KBTBD3: variants seen among roughly 807,000 people sequenced by gnomAD.
KBTBD3 encodes kelch repeat and BTB domain containing 3.
A neutral mutation model predicts 49.6 loss-of-function variants in KBTBD3; 38 were observed. The observed-to-expected ratio is 0.77, with a 90% CI of 0.59 to 1.00. KBTBD3 has a LOEUF of 1.00. Among genes scored for constraint, KBTBD3 ranks in the 50% least tolerant of loss-of-function variants. The probability of loss-of-function intolerance (pLI) is 0.00; values close to 1 mark genes in which losing one functional copy is unlikely to be tolerated. For synonymous variants in KBTBD3, 214 were observed against 250.4 expected (o/e 0.85, Z 1.37); for missense variants, 661 against 712.0 (o/e 0.93, Z 0.81).
At chr11:106,065,760 A>T (rs1860797334) in intron 2 of KBTBD3, among the ~76,000 whole-genome samples, 1 of 152,110 alleles carries the variant, frequency 6.6e-6, no homozygotes, top group African/African-American at 2.4e-5. Flanking sequence ...CAGGAGTTCA[A>T]GACCAGCCTG....
At chr11:106,075,669 A>T (rs1861013457) in intron 2 of KBTBD3, 1 of 152,222 alleles carries the variant, frequency 6.6e-6, no homozygotes, top group Non-Finnish European at 1.5e-5. Flanking sequence ...AACCTATAAA[A>T]TATGTTCACA....
At chr11:106,068,257 T>C (rs1591538276) in intron 2 of KBTBD3, among the ~76,000 whole-genome samples, 1 of 152,156 alleles carries the variant, frequency 6.6e-6, no homozygotes, top group East Asian at 1.9e-4. Context: ...CTAATCAACA[T>C]TTATAGAAAA....
At chr11:106,063,327 C>T (rs931096060) in intron 2 of KBTBD3, among the ~76,000 whole-genome samples, 1 of 152,250 alleles carries the variant, frequency 6.6e-6, no homozygotes. Flanking sequence ...CCATGTTCAA[C>T]CTATAAAAGC....
intron 2 of KBTBD3, among the ~76,000 whole-genome samples, chr11:106,062,946 C>T (rs534823202): frequency 1.8e-4 from 28 of 152,334 alleles, no homozygotes; most frequent in Middle Eastern, 6.8e-3. Flanking sequence ...TCATAAGTCA[C>T]TTGTAAGACT....
chr11:106,066,594 A>C (rs1204047434), intron 2 of KBTBD3, among the ~76,000 whole-genome samples: 1 of 152,162 alleles, frequency 6.6e-6, no homozygotes, highest in Non-Finnish European at 1.5e-5. Context: ...GTACTTGTCA[A>C]AAGTTACCAC....
intron 2 of KBTBD3, among the ~76,000 whole-genome samples, chr11:106,071,724 GAGAAAT>G (rs1343130392): frequency 1.3e-5 from 2 of 152,176 alleles, no homozygotes; most frequent in East Asian, 3.9e-4. Context: ...TTTGCAACTA[GAGAAAT>G]AGTCCTAAAT....
intron 3 of KBTBD3, chr11:106,057,965 G>A: frequency 2.5e-6 from 1 of 398,042 alleles, no homozygotes; most frequent in Non-Finnish European, 4.4e-6. Flanking sequence ...AAACAAAGCT[G>A]ACACCATCAA....
intron 2 of KBTBD3, among the ~76,000 whole-genome samples, chr11:106,066,107 C>T (rs1860806858): frequency 6.6e-6 from 1 of 151,958 alleles, no homozygotes; most frequent in South Asian, 2.1e-4. Context: ...GAAATTTTGA[C>T]AATGATCACA....
Position 106,053,518 on chromosome 11 carries a change from T to C in KBTBD3, c.1171A>G (p.Thr391Ala). 6.2e-7 allele frequency: 1 copy of C among 1,613,738 alleles called. No homozygotes were observed. The highest frequency in any genetic ancestry group is 1.1e-5 in the South Asian group (1 of 91,066). The change falls in exon 4 of 4, where the codon ACA (threonine) becomes GCA (alanine). Residue 391 changes from threonine (T) to alanine (A), a missense_variant. Coordinates refer to ENST00000531837, the MANE Select transcript of KBTBD3 (RefSeq NM_198439.3). ...NDFFLVSTMKTPRTMHTSVMA... is the reference protein window; with the variant it reads ...NDFFLVSTMKAPRTMHTSVMA... ...ACTGATGTATGCATGGTTCTTGGTG[T>C]TTTCATAGTTGATACCAAGAAGAAA...
intron 2 of KBTBD3, among the ~76,000 whole-genome samples, chr11:106,070,231 T>C (rs1860891392): frequency 6.6e-6 from 1 of 151,818 alleles, no homozygotes; most frequent in African/African-American, 2.4e-5. Context: ...AACACATAAA[T>C]GAAAAAAATT....
At position 106,059,953 on chromosome 11, in the gene KBTBD3, T is replaced by C. The variant is rs531724849; in HGVS notation, c.-12-844A>G. 9.9e-4 allele frequency among the ~76,000 whole-genome samples: 151 copies of C among 152,302 alleles called. 1 individual carries two copies. The highest frequency in any genetic ancestry group is 3.5e-3 in the African/African-American group (144 of 41,570). ...TAAAATTAGTGGCTTAAGACAACAA[T>C]TTATAATCTCTAATGGTCCTGTGAG... is the stretch of plus-strand genomic sequence containing the variant. On this transcript the variant is annotated intron_variant, in intron 2 of 3. Coordinates refer to ENST00000531837, the MANE Select transcript of KBTBD3 (RefSeq NM_198439.3).
intron 2 of KBTBD3, among the ~76,000 whole-genome samples, chr11:106,070,501 A>G (rs895298194): frequency 2.0e-5 from 3 of 152,128 alleles, no homozygotes; most frequent in African/African-American, 7.2e-5. Context: ...AAGATGTTCA[A>G]CATCATTAGT....
intron 2 of KBTBD3, among the ~76,000 whole-genome samples, chr11:106,062,939 T>C (rs1860731577): frequency 6.6e-6 from 1 of 152,264 alleles, no homozygotes; most frequent in Non-Finnish European, 1.5e-5. Flanking sequence ...GGCATCTTCA[T>C]AAGTCACTTG....
chr11:106,064,868 G>A (rs551782737), intron 2 of KBTBD3, among the ~76,000 whole-genome samples: 69 of 152,154 alleles, frequency 4.5e-4, no homozygotes, highest in African/African-American at 1.6e-3. Context: ...CCTTGGAATC[G>A]CTCTATATTT....
chr11:106,061,492 G>A (rs1860694740), intron 2 of KBTBD3, among the ~76,000 whole-genome samples: 1 of 152,188 alleles, frequency 6.6e-6, no homozygotes, highest in Non-Finnish European at 1.5e-5. Context: ...TTCTGGGTAT[G>A]TCTGTGAGAG....
chr11:106,068,023 T>C (rs1025203114), intron 2 of KBTBD3, among the ~76,000 whole-genome samples: 1 of 151,270 alleles, frequency 6.6e-6, no homozygotes, highest in Admixed American at 6.6e-5. Context: ...AGGAATATTA[T>C]GTAATGCCCA....
rs780141545 is a variant in KBTBD3 at position 106,054,311 on chromosome 11, G to C, written c.378C>G (p.Phe126Leu). 6.2e-7 allele frequency: 1 copy of C among 1,613,348 alleles called. No individual in the cohort carries two copies. The highest frequency in any genetic ancestry group is 1.1e-5 in the South Asian group (1 of 90,980). The change falls in exon 4 of 4, where the codon TTC becomes TTG. Residue 126 changes from phenylalanine to leucine, a missense_variant. Transcript: ENST00000531837. ...KITDDNVEMF[F>L]QLSSFLQVSF... ...AAACTTGAAGAAATGATGACAACTG[G>C]AAGAACATTTCCACATTATCATCTG...
In KBTBD3 at chr11:106,058,945, A is replaced by G; in HGVS notation, c.153T>C (p.Phe51=). The G allele has an allele frequency of 6.4e-7, 1 of 1,573,344 alleles. No individual in the cohort carries two copies. The change falls in exon 3 of 4, where the codon TTT becomes TTC. Residue 51 remains phenylalanine, a synonymous_variant. Transcript: ENST00000531837. The part of the protein sequence containing the change: ...VLQNFREQNV[F]YDFKIIMKDE... ...CTTTCATAATTATTTTGAAATCATA[A>G]AAGACATTTTGTTCTCTAAAATTCT...
chr11:106,054,032 G>A lies in KBTBD3; in HGVS notation c.657C>T (p.Val219=). 3 of 1,613,680 alleles carry A rather than the reference G, an allele frequency of 1.9e-6. No individual in the cohort carries two copies. Among genetic ancestry groups the A allele is most frequent in the Non-Finnish European group, 2.5e-6 (3 of 1,179,800 alleles). Residue 219 remains valine, a synonymous_variant, in exon 4 of 4, where the codon GTC becomes GTT. Transcript: ENST00000531837. ...VPEEEMVLKV[V]LSWTKHNLES... The stretch of plus-strand genomic sequence containing the variant: ...CTAAGTTATGTTTAGTCCAACTAAG[G>A]ACAACTTTCAGTACCATTTCTTCTT...
Sources: allele counts gnomAD v4.1 joint callset (sites outside exome capture counted in the v4.1 genomes callset), GRCh38; gene constraint gnomAD v4.1.1; transcripts MANE v1.5; gene names NCBI Gene and HGNC (gene_info 2026-07-23, HGNC 2026-07-21).